Variants in IL1RAPL1 observed in about 807,000 individuals in gnomAD.
IL1RAPL1 encodes the protein interleukin 1 receptor accessory protein like 1.
IL1RAPL1 carries 3 observed loss-of-function variants against 48.4 expected under a neutral mutation model. That is an observed-to-expected ratio of 0.06 (90% CI 0.03 to 0.16). IL1RAPL1 has a LOEUF of 0.16. Among genes scored for constraint, IL1RAPL1 ranks in the 10% least tolerant of loss-of-function variants. The probability of loss-of-function intolerance (pLI) is 1.00; values close to 1 mark genes in which losing one functional copy is unlikely to be tolerated. For missense variants in IL1RAPL1, 349 were observed against 530.6 expected, an observed-to-expected ratio of 0.66 and a Z score of 3.36; for synonymous variants, 185 against 187.7, an observed-to-expected ratio of 0.99 and a Z score of 0.12.
intron 2 of IL1RAPL1, among the ~76,000 whole-genome samples, chrX:29,070,772 G>T (rs1927549866): frequency 1.8e-5 from 2 of 111,385 alleles, no homozygotes; most frequent in African/African-American, 3.3e-5. Context: ...AAAAAGGTTT[G>T]GAAATTTCTA....
At chrX:29,824,398 A>G (rs929838701) in intron 6 of IL1RAPL1, among the ~76,000 whole-genome samples, 3 of 111,950 alleles carry the variant, frequency 2.7e-5, no homozygotes, top group African/African-American at 9.7e-5. Context: ...TCCCACATTG[A>G]GAGCTGCAGT....
At chrX:29,107,990 C>T (rs1928482368) in intron 2 of IL1RAPL1, among the ~76,000 whole-genome samples, 1 of 111,579 alleles carries the variant, frequency 9.0e-6, no homozygotes, top group Admixed American at 9.5e-5. Context: ...GGACAGCTCC[C>T]TGTTTCTTTA....
chrX:29,076,798 G>GTCTGTCTGTCTGTCTA (rs1927683656), intron 2 of IL1RAPL1, among the ~76,000 whole-genome samples: 1 of 85,302 alleles, frequency 1.2e-5, no homozygotes, highest in South Asian at 6.9e-4. Context: ...CTGTCTGTCT[G>GTCTGTCTGTCTGTCTA]TCTGTCTATC....
chrX:28,661,348 C>A (rs1934818754), intron 1 of IL1RAPL1, among the ~76,000 whole-genome samples: 1 of 111,022 alleles, frequency 9.0e-6, no homozygotes, highest in Non-Finnish European at 1.9e-5. Context: ...TCTAGCTAAT[C>A]ATATAAAAAC....
chrX:29,445,726 C>T (rs1467963712), intron 5 of IL1RAPL1, among the ~76,000 whole-genome samples: 1 of 111,624 alleles, frequency 9.0e-6, no homozygotes, highest in African/African-American at 3.3e-5. Flanking sequence ...ATTATGATGG[C>T]TTTGTGTGTT....
At chrX:29,946,302 C>T (rs1933211975) in intron 9 of IL1RAPL1, among the ~76,000 whole-genome samples, 1 of 112,125 alleles carries the variant, frequency 8.9e-6, no homozygotes, top group Non-Finnish European at 1.9e-5. Flanking sequence ...CAATTGCCAT[C>T]AAAGGGTGAC....
At chrX:28,882,328 T>C (rs1922522159) in intron 2 of IL1RAPL1, among the ~76,000 whole-genome samples, 2 of 111,115 alleles carry the variant, frequency 1.8e-5, no homozygotes, top group African/African-American at 6.5e-5. Flanking sequence ...TAGAATACTA[T>C]ATCTGGCAAA....
chrX:28,932,948 C>G (rs1923924500), intron 2 of IL1RAPL1, among the ~76,000 whole-genome samples: 1 of 111,217 alleles, frequency 9.0e-6, no homozygotes, highest in African/African-American at 3.3e-5. Context: ...AATTCTACTC[C>G]TAATCTTTTC....
intron 6 of IL1RAPL1, among the ~76,000 whole-genome samples, chrX:29,898,052 G>T (rs976501016): frequency 1.8e-5 from 2 of 111,898 alleles, no homozygotes; most frequent in Admixed American, 1.9e-4. Flanking sequence ...TAACAAAGAA[G>T]TAACTGAGAT....
intron 5 of IL1RAPL1, among the ~76,000 whole-genome samples, chrX:29,495,876 CCTCT>C (rs774596436): frequency 2.4e-4 from 26 of 107,376 alleles, no homozygotes; most frequent in Non-Finnish European, 7.7e-5. Context: ...TCTCTGTCTT[CCTCT>C]CTCTCTCTCT....
intron 1 of IL1RAPL1, among the ~76,000 whole-genome samples, chrX:28,720,735 T>C (rs968720977): frequency 1.8e-5 from 2 of 111,610 alleles, no homozygotes; most frequent in African/African-American, 6.5e-5. Context: ...TATCTCCTAA[T>C]GCTTTCCCTC....
intron 1 of IL1RAPL1, among the ~76,000 whole-genome samples, chrX:28,683,653 A>G (rs1935083930): frequency 8.9e-6 from 1 of 112,087 alleles, no homozygotes; most frequent in Admixed American, 9.4e-5. Flanking sequence ...TTATTATTTT[A>G]CTCTTCTGGA....
intron 5 of IL1RAPL1, among the ~76,000 whole-genome samples, chrX:29,414,808 G>C (rs775645182): frequency 1.3e-4 from 15 of 111,469 alleles, no homozygotes; most frequent in Non-Finnish European, 2.6e-4. Context: ...CATTATGTCG[G>C]CACTTTATAT....
intron 6 of IL1RAPL1, among the ~76,000 whole-genome samples, chrX:29,678,250 T>C (rs182036251): frequency 2.8e-5 from 3 of 107,866 alleles, no homozygotes; most frequent in African/African-American, 1.0e-4. Flanking sequence ...GTCCAATACA[T>C]AGAGTGTCCA....
intron 6 of IL1RAPL1, among the ~76,000 whole-genome samples, chrX:29,697,442 A>G (rs149540675): frequency 1.1e-3 from 125 of 112,312 alleles, no homozygotes; most frequent in African/African-American, 3.8e-3. Context: ...TTAACATAAG[A>G]TGTTTCCACA....
intron 5 of IL1RAPL1, among the ~76,000 whole-genome samples, chrX:29,401,729 G>A (rs745959789): frequency 9.1e-6 from 1 of 109,328 alleles, no homozygotes; most frequent in East Asian, 2.9e-4. Context: ...ATTTCTGGCC[G>A]AAGGAAGTGG....
At position 29,793,189 on chromosome X, in the gene IL1RAPL1, A is replaced by G. The variant is rs771186363; in HGVS notation, c.779-124275A>G. ...TTGAATGCATGTGCATGCACAAACA[A>G]CATATACATCACCTCCTTCACTGAG... On this transcript the variant is annotated intron_variant, in intron 6 of 10. Coordinates refer to ENST00000378993, the MANE Select transcript of IL1RAPL1 (RefSeq NM_014271.4). Among the ~76,000 whole-genome samples, 4 of 112,445 alleles carry G rather than the reference A, an allele frequency of 3.6e-5. No individual in the cohort carries two copies. In the South Asian group the frequency reaches 1.5e-3, roughly 41 times the overall value.
At chrX:29,802,881 GTATATATGTATACA>G (rs1929994833) in intron 6 of IL1RAPL1, among the ~76,000 whole-genome samples, 1 of 77,580 alleles carries the variant, frequency 1.3e-5, no homozygotes, top group African/African-American at 5.3e-5. Context: ...ATACATATAT[GTATATATGTATACA>G]TATATATGTG....
At chrX:29,425,125 A>G (rs927774050) in intron 5 of IL1RAPL1, among the ~76,000 whole-genome samples, 1 of 111,823 alleles carries the variant, frequency 8.9e-6, no homozygotes, top group African/African-American at 3.2e-5. Flanking sequence ...CTTTCCCTTT[A>G]TACCAAAGGG....
Sources: allele counts gnomAD v4.1 joint callset (sites outside exome capture counted in the v4.1 genomes callset), GRCh38; gene constraint gnomAD v4.1.1; transcripts MANE v1.5; gene names NCBI Gene and HGNC (gene_info 2026-07-23, HGNC 2026-07-21).